TSHZ3: variants seen among roughly 807,000 people sequenced by gnomAD.
TSHZ3 encodes teashirt homolog 3.
In TSHZ3, 10 loss-of-function variants were observed where a neutral mutation model predicts 64.5. That is an observed-to-expected ratio of 0.16 (90% confidence interval 0.10 to 0.26). The LOEUF is 0.26. Among genes scored for constraint, TSHZ3 ranks in the 10% least tolerant of loss-of-function variants. The probability of loss-of-function intolerance (pLI) is 1.00; values close to 1 mark genes in which losing one functional copy is unlikely to be tolerated. For missense variants in TSHZ3, 1,242 were observed against 1,421.7 expected, an observed-to-expected ratio of 0.87 and a Z score of 2.03; for synonymous variants, 608 against 593.1, an observed-to-expected ratio of 1.03 and a Z score of -0.36.
At chr19:31,349,634 T>G (rs1247549386), upstream of TSHZ3, 31 of 91,304 alleles carry the variant, frequency 3.4e-4, no homozygotes, top group South Asian at 8.9e-4. Context: ...CCAGACGAGG[T>G]GCGCGGGGTT....
rs960090031 is a variant in TSHZ3, at chr19:31,210,213, G to A, written n.687-5135C>T. Among the ~76,000 whole-genome samples, 3 of 152,154 alleles carry A rather than the reference G, an allele frequency of 2.0e-5. No individual in the cohort carries two copies. The East Asian group carries it at 5.8e-4, about 29-fold the overall frequency. The stretch of plus-strand genomic sequence containing the variant: ...GACCAAAGGTGAAGCTTGGCCTATA[G>A]AGGCACAGGCCTGGGTTGGAGGGAC... On this transcript the variant is annotated intron_variant and non_coding_transcript_variant, in intron 4 of 6. Coordinates refer to the TSHZ3 transcript ENST00000651361.
chr19:31,323,117 G>A (rs1568381036), intron 1 of TSHZ3, among the ~76,000 whole-genome samples: 1 of 152,170 alleles, frequency 6.6e-6, no homozygotes, highest in African/African-American at 2.4e-5. Context: ...TCTCTCACAT[G>A]AAAATGTTTT....
At chr19:31,310,186 C>T (rs1916416979) in intron 1 of TSHZ3, among the ~76,000 whole-genome samples, 1 of 152,156 alleles carries the variant, frequency 6.6e-6, no homozygotes, top group Non-Finnish European at 1.5e-5. Context: ...GGTGTCTCAA[C>T]CTTCTCATGT....
chr19:31,251,613 C>A (rs1301625840), intron 1 of TSHZ3, among the ~76,000 whole-genome samples: 1 of 152,204 alleles, frequency 6.6e-6, no homozygotes, highest in Non-Finnish European at 1.5e-5. Flanking sequence ...TCTCCCCACG[C>A]CTCCCAACCC....
In TSHZ3 at chr19:31,279,315, AGCTGCTGCTGCTGCTACT is replaced by A. The variant is rs1555733046; in HGVS notation, c.460_477del (p.Ser154_Ser159del). On this transcript the variant is annotated inframe_deletion, in exon 2 of 2. Coordinates refer to ENST00000240587, the MANE Select transcript of TSHZ3 (RefSeq NM_020856.4). This position sits in a 1 kb window ranked among gnomAD's most constrained non-coding sequence, Gnocchi z 6.4. ...TGCCAGTCGAAGCTCCCGCTGCCACAGCTGCTGCTGCTGCTACTGCTGCTGCTGCTGCTGCCGTTGTTC... is the reference window on the plus strand; with the variant it reads ...TGCCAGTCGAAGCTCCCGCTGCCACAGCTGCTGCTGCTGCTGCCGTTGTTC... 3.1e-6 allele frequency: 5 copies of A among 1,613,560 alleles called. No individual in the cohort carries two copies. The highest frequency in any genetic ancestry group is 4.2e-6 in the Non-Finnish European group (5 of 1,179,768).
At chr19:31,337,090 C>T (rs1917272689) in intron 1 of TSHZ3, among the ~76,000 whole-genome samples, 1 of 142,292 alleles carries the variant, frequency 7.0e-6, no homozygotes, top group Admixed American at 7.3e-5. Context: ...TCTTTTCTCT[C>T]TTTGATTAAT....
intron 3 of TSHZ3, among the ~76,000 whole-genome samples, chr19:31,240,375 T>C (rs557818142): frequency 1.3e-5 from 2 of 152,310 alleles, no homozygotes; most frequent in South Asian, 2.1e-4. Context: ...ATAAAAAAGA[T>C]AGACTTATTG....
chr19:31,285,672 T>C (rs992855257), intron 1 of TSHZ3, among the ~76,000 whole-genome samples: 13 of 148,374 alleles, frequency 8.8e-5, no homozygotes, highest in African/African-American at 2.7e-4. Context: ...TAGTCCCAGC[T>C]ACTTGAGAGG....
At chr19:31,229,506 A>G (rs1975512320) in intron 3 of TSHZ3, among the ~76,000 whole-genome samples, 1 of 152,212 alleles carries the variant, frequency 6.6e-6, no homozygotes, top group Non-Finnish European at 1.5e-5. Flanking sequence ...CAAGCGGATT[A>G]TAAATTTAAA....
chr19:31,209,148 T>G (rs1282154985), intron 4 of TSHZ3, among the ~76,000 whole-genome samples: 2 of 152,016 alleles, frequency 1.3e-5, no homozygotes, highest in Admixed American at 6.6e-5. Flanking sequence ...TATGACTCCA[T>G]GTAGAAAGCC....
At chr19:31,165,474 C>T (rs1185307576) in intron 5 of TSHZ3, among the ~76,000 whole-genome samples, 2 of 152,042 alleles carry the variant, frequency 1.3e-5, no homozygotes, top group Non-Finnish European at 2.9e-5. Context: ...GGAACATTGG[C>T]CTACCTAGAG....
chr19:31,260,659 G>T (rs1368119125), intron 1 of TSHZ3, among the ~76,000 whole-genome samples: 1 of 152,208 alleles, frequency 6.6e-6, no homozygotes, highest in Non-Finnish European at 1.5e-5. Context: ...TATGTGCCAG[G>T]CACAGGGCTA....
intron 3 of TSHZ3, among the ~76,000 whole-genome samples, chr19:31,230,861 G>T (rs1189128769): frequency 6.6e-6 from 1 of 151,440 alleles, no homozygotes; most frequent in Non-Finnish European, 1.5e-5. Context: ...CACCACGCGC[G>T]GCTAATTTTT....
At chr19:31,265,849 G>C (rs1438617890) in intron 1 of TSHZ3, among the ~76,000 whole-genome samples, 1 of 152,206 alleles carries the variant, frequency 6.6e-6, no homozygotes, top group Non-Finnish European at 1.5e-5. Context: ...GAGCGAGGTG[G>C]GGTGCTGAGA....
At chr19:31,302,276 G>A (rs539181665) in intron 1 of TSHZ3, among the ~76,000 whole-genome samples, 28 of 152,228 alleles carry the variant, frequency 1.8e-4, no homozygotes, top group Middle Eastern at 3.4e-3. Flanking sequence ...CTTGTGATCC[G>A]TGCCCTGGAA....
At chr19:31,286,128 C>A (rs1976459428) in intron 1 of TSHZ3, among the ~76,000 whole-genome samples, 2 of 152,314 alleles carry the variant, frequency 1.3e-5, no homozygotes, top group South Asian at 4.1e-4. Flanking sequence ...CCACACACAT[C>A]TCACTTTCCT....
intron 3 of TSHZ3, among the ~76,000 whole-genome samples, chr19:31,232,739 G>A (rs550612167): frequency 1.3e-4 from 20 of 152,132 alleles, no homozygotes; most frequent in African/African-American, 4.3e-4. Context: ...CCAGTTAACC[G>A]CTGGCCTCAT....
intron 1 of TSHZ3, among the ~76,000 whole-genome samples, chr19:31,287,461 C>T (rs1314556094): frequency 6.6e-6 from 1 of 151,904 alleles, no homozygotes; most frequent in East Asian, 1.9e-4. Flanking sequence ...AAGAGTAGAG[C>T]CAGGAGGGAG....
At chr19:31,315,626 G>T (rs932254349) in intron 1 of TSHZ3, among the ~76,000 whole-genome samples, 3 of 152,152 alleles carry the variant, frequency 2.0e-5, no homozygotes, top group African/African-American at 7.2e-5. Flanking sequence ...TTGGAATTAT[G>T]ATAAACAGAA....
Sources: gnomAD v4.1 joint callset for allele counts (sites outside exome capture counted in the v4.1 genomes callset) on GRCh38, gnomAD v4.1.1 for gene constraint, Gnocchi (gnomAD v3.1) non-coding constraint, MANE v1.5 for transcripts, NCBI Gene and HGNC (gene_info 2026-07-23, HGNC 2026-07-21) for gene names.